TNIK: variants seen among roughly 807,000 people sequenced by gnomAD.
TNIK encodes the protein TRAF2 and NCK-interacting protein kinase.
In TNIK, 49 loss-of-function variants were observed where a neutral mutation model predicts 191.3. The ratio of observed to expected loss-of-function variants is 0.26; its 90% CI spans 0.20 to 0.32. The LOEUF (loss-of-function observed/expected upper bound fraction) is 0.32. Ranked by LOEUF, TNIK falls within the 10% of genes least tolerant of loss-of-function variation. The pLI, the probability that TNIK is intolerant of heterozygous loss-of-function variation, is 1.00. For synonymous variants in TNIK, 594 were observed against 600.9 expected (o/e 0.99, Z 0.17); for missense variants, 1,155 against 1,702.3 (o/e 0.68, Z 5.66).
intron 1 of TNIK, among the ~76,000 whole-genome samples, chr3:171,410,416 T>C (rs6444986): frequency 6.6e-6 from 1 of 152,016 alleles, no homozygotes; most frequent in Non-Finnish European, 1.5e-5. Flanking sequence ...AGCATGGAGG[T>C]CTCAGAGTAA....
At chr3:171,147,690 T>C (rs750440569) in intron 12 of TNIK, among the ~76,000 whole-genome samples, 2 of 152,188 alleles carry the variant, frequency 1.3e-5, no homozygotes, top group East Asian at 3.9e-4. Context: ...ACTGTACTCA[T>C]ATTAACTCAT....
At chr3:171,327,270 T>C (rs147678651) in intron 2 of TNIK, among the ~76,000 whole-genome samples, 28 of 152,314 alleles carry the variant, frequency 1.8e-4, no homozygotes, top group African/African-American at 6.3e-4. Flanking sequence ...GGAAAAACAC[T>C]GGTGACCTGC....
rs967076967 is a variant in TNIK at position 171,319,388 on chromosome 3, T to G, written c.123+50232A>C. Among the ~76,000 whole-genome samples the G allele has an allele frequency of 3.9e-5, 6 of 152,216 alleles. No individual in the cohort carries two copies. The South Asian group carries it at 1.2e-3, about 32-fold the overall frequency. ...GGAAGGAATTTAGCATGAAGACAAG[T>G]TAAAATTACAAAGAGTGTTTTTCCC... On this transcript the variant is annotated intron_variant, in intron 2 of 32. Coordinates refer to ENST00000436636, the MANE Select transcript of TNIK (RefSeq NM_015028.4).
intron 2 of TNIK, among the ~76,000 whole-genome samples, chr3:171,322,964 GA>G (rs2108339012): frequency 6.6e-6 from 1 of 151,808 alleles, no homozygotes. Flanking sequence ...TGTTTGGGGA[GA>G]AAACGTTTTA....
intron 2 of TNIK, among the ~76,000 whole-genome samples, chr3:171,309,337 TG>T (rs1753781120): frequency 6.6e-6 from 1 of 151,954 alleles, no homozygotes; most frequent in Non-Finnish European, 1.5e-5. Context: ...ACTTAATAAG[TG>T]AGAGCTAAAC....
At chr3:171,176,972 G>A (rs1392282401) in intron 8 of TNIK, among the ~76,000 whole-genome samples, 1 of 152,140 alleles carries the variant, frequency 6.6e-6, no homozygotes, top group Non-Finnish European at 1.5e-5. Context: ...AATTAATTTT[G>A]GATTTTCATA....
intron 7 of TNIK, among the ~76,000 whole-genome samples, chr3:171,187,140 C>T (rs559036312): frequency 1.3e-5 from 2 of 152,316 alleles, no homozygotes; most frequent in African/African-American, 4.8e-5. Flanking sequence ...CAGATGTAGA[C>T]TAGTTAGCAC....
chr3:171,172,260 C>A (rs1735382902), intron 9 of TNIK, among the ~76,000 whole-genome samples: 1 of 152,182 alleles, frequency 6.6e-6, no homozygotes. Context: ...CCTGTCTCAA[C>A]AATGGCGCCC....
intron 2 of TNIK, among the ~76,000 whole-genome samples, chr3:171,235,412 C>T (rs1452173564): frequency 1.3e-5 from 2 of 152,098 alleles, no homozygotes; most frequent in East Asian, 1.9e-4. Flanking sequence ...CAAAAGATGG[C>T]GACAAAGTAT....
At chr3:171,322,584 C>CATTTGGAATGATCATATGGAATTACG (rs1407798284) in intron 2 of TNIK, among the ~76,000 whole-genome samples, 9 of 152,120 alleles carry the variant, frequency 5.9e-5, no homozygotes, top group African/African-American at 2.2e-4. Flanking sequence ...TTCCAAATTG[C>CATTTGGAATGATCATATGGAATTACG]TATGAAAATA....
At chr3:171,265,767 G>A (rs537862162) in intron 2 of TNIK, among the ~76,000 whole-genome samples, 4 of 152,190 alleles carry the variant, frequency 2.6e-5, no homozygotes, top group Non-Finnish European at 5.9e-5. Context: ...GAGGGAAAGT[G>A]GAATCTTAAA....
intron 8 of TNIK, 100 bp downstream of exon 8, chr3:171,177,226 C>A: frequency 8.1e-7 from 1 of 1,233,372 alleles, no homozygotes; most frequent in Non-Finnish European, 1.1e-6. Flanking sequence ...ATGCAGGGCT[C>A]GGTGTAGTGG....
chr3:171,315,965 A>G (rs1198133728), intron 2 of TNIK, among the ~76,000 whole-genome samples: 1 of 152,174 alleles, frequency 6.6e-6, no homozygotes, highest in Non-Finnish European at 1.5e-5. Flanking sequence ...CTCATGACAC[A>G]GGGCATTTCA....
chr3:171,249,551 C>CA (rs1745999558), intron 2 of TNIK, among the ~76,000 whole-genome samples: 1 of 152,026 alleles, frequency 6.6e-6, no homozygotes, highest in South Asian at 2.1e-4. Flanking sequence ...CCTGGGCAGC[C>CA]CTTAGGACAT....
chr3:171,280,723 A>G (rs2109251488), intron 2 of TNIK, among the ~76,000 whole-genome samples: 1 of 152,244 alleles, frequency 6.6e-6, no homozygotes, highest in Non-Finnish European at 1.5e-5. Context: ...AAAAGCATCC[A>G]TCACTTTAAA....
chr3:171,085,861 G>A (rs115645821), intron 24 of TNIK, among the ~76,000 whole-genome samples: 4 of 152,242 alleles, frequency 2.6e-5, no homozygotes, highest in Non-Finnish European at 4.4e-5. Context: ...GACTTCATGA[G>A]GATATTACGT....
intron 1 of TNIK, among the ~76,000 whole-genome samples, chr3:171,437,570 T>C (rs1726184094): frequency 6.6e-6 from 1 of 152,126 alleles, no homozygotes; most frequent in South Asian, 2.1e-4. Flanking sequence ...TCAAACCCTG[T>C]AGCCTCTGAA....
chr3:171,229,241 A>T (rs889100270), intron 2 of TNIK, among the ~76,000 whole-genome samples: 27 of 152,204 alleles, frequency 1.8e-4, no homozygotes, highest in African/African-American at 6.5e-4. Context: ...TGCTGGCCGT[A>T]ATTATGTATG....
In TNIK at chr3:171,410,506, G is replaced by A. The variant is rs147960606; in HGVS notation, c.58-40821C>T. 4.5e-3 allele frequency among the ~76,000 whole-genome samples: 684 copies of A among 152,290 alleles called. 12 individuals carry two copies. The highest frequency in any genetic ancestry group is 0.015 in the African/African-American group (626 of 41,554). ...CTTTAAGACTTTGCCTGGGCTGGGCGCATTGGCTCACGCCTGTAATCCCAG... is the reference window on the plus strand; with the variant it reads ...CTTTAAGACTTTGCCTGGGCTGGGCACATTGGCTCACGCCTGTAATCCCAG... On this transcript the variant is annotated intron_variant, in intron 1 of 32. Coordinates refer to ENST00000436636, the MANE Select transcript of TNIK (RefSeq NM_015028.4).
Sources: allele counts gnomAD v4.1 joint callset (sites outside exome capture counted in the v4.1 genomes callset), GRCh38; gene constraint gnomAD v4.1.1; transcripts MANE v1.5; gene names NCBI Gene and HGNC (gene_info 2026-07-23, HGNC 2026-07-21).